Variants in TXLNG observed in about 807,000 individuals in gnomAD.
TXLNG encodes taxilin gamma.
TXLNG carries 5 observed loss-of-function variants against 38.8 expected under a neutral mutation model. The ratio of observed to expected loss-of-function variants is 0.13; its 90% CI spans 0.07 to 0.27. The LOEUF (loss-of-function observed/expected upper bound fraction) is 0.27, where lower values mean the gene tolerates loss of function less well. TXLNG is among the 10% of genes least tolerant of loss of function. TXLNG has a pLI of 1.00. For synonymous variants in TXLNG, 182 were observed against 158.2 expected, an observed-to-expected ratio of 1.15 and a Z score of -1.13; for missense variants, 393 against 398.2, an observed-to-expected ratio of 0.99 and a Z score of 0.11.
At chrX:16,817,091 C>T (rs929910958) in intron 1 of TXLNG, among the ~76,000 whole-genome samples, 1 of 112,247 alleles carries the variant, frequency 8.9e-6, no homozygotes, top group Non-Finnish European at 1.9e-5. Flanking sequence ...CAACATAGGT[C>T]TGTGAAACTC....
At chrX:16,830,830 CGTGTGTGTGTGTGTGTGTGTGT>C (rs1186714021) in intron 5 of TXLNG, among the ~76,000 whole-genome samples, 7 of 37,964 alleles carry the variant, frequency 1.8e-4, no homozygotes, top group Admixed American at 8.4e-4. Flanking sequence ...ACCGTAATTC[CGTGTGTGTGTGTGTGTGTGTGT>C]GTGTGTGTGT....
intron 1 of TXLNG, among the ~76,000 whole-genome samples, chrX:16,813,210 C>G (rs1162851627): frequency 9.0e-6 from 1 of 111,486 alleles, no homozygotes; most frequent in East Asian, 2.8e-4. Flanking sequence ...TATTGTTAGT[C>G]ATTAGGGAAA....
intron 5 of TXLNG, among the ~76,000 whole-genome samples, chrX:16,832,381 G>T (rs1394510966): frequency 1.8e-5 from 2 of 112,434 alleles, no homozygotes; most frequent in Non-Finnish European, 3.8e-5. Context: ...CTGACAGGGT[G>T]GGGGAACAGG....
intron 7 of TXLNG, among the ~76,000 whole-genome samples, chrX:16,835,644 C>T (rs1347799548): frequency 8.9e-6 from 1 of 112,047 alleles, no homozygotes; most frequent in East Asian, 2.8e-4. Flanking sequence ...TTCTATTGTA[C>T]TGTCACCATC....
intron 1 of TXLNG, among the ~76,000 whole-genome samples, chrX:16,801,187 T>C (rs1475985652): frequency 9.0e-6 from 1 of 111,487 alleles, no homozygotes; most frequent in Non-Finnish European, 1.9e-5. Flanking sequence ...CGGGCATTCT[T>C]TTTTTGTTTG....
chrX:16,789,887 CG>C (rs1375321710), intron 1 of TXLNG, among the ~76,000 whole-genome samples: 4 of 109,206 alleles, frequency 3.7e-5, no homozygotes, highest in Non-Finnish European at 7.6e-5. Flanking sequence ...CTCCGCCTCC[CG>C]GGTTCAAGCA....
rs1295583638 is a variant in TXLNG, at chrX:16,843,026, C to T, written c.*1260C>T. 3.6e-5 allele frequency: 4 copies of T among 112,188 alleles called. No homozygotes were observed. Among genetic ancestry groups the T allele is most frequent in the African/African-American group, 9.7e-5 (3 of 30,856 alleles). The allele number at this position is 112,188 out of a possible 1,213,427, so 9.2% of individuals were successfully genotyped here. Reference sequence around the variant, plus strand: ...TTCTTTGTTTCAATGTTGAATGTGGCGCAGTTATGCAGATGATTAATCAGG... The same window carrying T: ...TTCTTTGTTTCAATGTTGAATGTGGTGCAGTTATGCAGATGATTAATCAGG... On this transcript the variant is annotated 3_prime_UTR_variant, in exon 10 of 10. Coordinates refer to ENST00000380122, the MANE Select transcript of TXLNG (RefSeq NM_018360.3).
intron 1 of TXLNG, among the ~76,000 whole-genome samples, chrX:16,804,756 G>C (rs1053843520): frequency 3.7e-5 from 4 of 109,319 alleles, no homozygotes; most frequent in African/African-American, 1.3e-4. Flanking sequence ...AAAATTTGTT[G>C]TAGATTTAAG....
At chrX:16,841,335 G>C in intron 9 of TXLNG, 93 bp from the exon 10 acceptor site, 2 of 761,997 alleles carry the variant, frequency 2.6e-6, no homozygotes, top group East Asian at 3.2e-5. Flanking sequence ...TGTTCCATAG[G>C]TGAGAAGTGT....
At chrX:16,813,350 G>T (rs949383369) in intron 1 of TXLNG, among the ~76,000 whole-genome samples, 1 of 110,648 alleles carries the variant, frequency 9.0e-6, no homozygotes, top group East Asian at 2.8e-4. Context: ...AATTTTAAAT[G>T]GTACCAGTGA....
chrX:16,838,868 G>A (rs902444498), intron 8 of TXLNG, among the ~76,000 whole-genome samples: 4 of 112,014 alleles, frequency 3.6e-5, no homozygotes, highest in Admixed American at 9.5e-5. Flanking sequence ...TGGCTGCAGA[G>A]ATCACCATGG....
chrX:16,813,262 G>C (rs930169832), intron 1 of TXLNG, among the ~76,000 whole-genome samples: 1 of 111,373 alleles, frequency 9.0e-6, no homozygotes, highest in Non-Finnish European at 1.9e-5. Context: ...CACTCAGTAG[G>C]ATGGCTATAA....
chrX:16,821,815 C>G (rs991738652), intron 3 of TXLNG, among the ~76,000 whole-genome samples: 19 of 104,676 alleles, frequency 1.8e-4, no homozygotes, highest in Admixed American at 7.3e-4. Context: ...ACGGTGAAAC[C>G]CTGTCTCTAC....
chrX:16,840,010 C>G (rs2023999694), intron 9 of TXLNG, 94 bp downstream of exon 9: 1 of 651,669 alleles, frequency 1.5e-6, no homozygotes, highest in Admixed American at 3.4e-5. Context: ...TGCTGTAACA[C>G]TACTACCATA....
chrX:16,821,380 C>T (rs1928952587), intron 3 of TXLNG, among the ~76,000 whole-genome samples: 1 of 110,897 alleles, frequency 9.0e-6, no homozygotes, highest in Non-Finnish European at 1.9e-5. Flanking sequence ...AACTTGTGAT[C>T]CGCCCGCCTT....
In TXLNG at chrX:16,821,289, T is replaced by C. The variant is rs761325689; in HGVS notation, c.498+1034T>C. ...CTGAGTAGTTGGGACTACAGGCGCGTGCCACCACGCCTGGCTAATTTTTTG... is the reference window on the plus strand; with the variant it reads ...CTGAGTAGTTGGGACTACAGGCGCGCGCCACCACGCCTGGCTAATTTTTTG... On this transcript the variant is annotated intron_variant, in intron 3 of 9. Transcript: ENST00000380122. Among the ~76,000 whole-genome samples, 7 of 107,346 alleles carry C rather than the reference T, an allele frequency of 6.5e-5. No homozygotes were observed. In the South Asian group the frequency reaches 2.1e-3, roughly 32 times the overall value. 93.2% of individuals were successfully genotyped at this position (107,346 alleles called of 115,157 possible). A position where few individuals can be genotyped will look rare whatever the true frequency, so the allele number is the denominator to read the frequency against.
chrX:16,804,247 G>A (rs1311026748), intron 1 of TXLNG, among the ~76,000 whole-genome samples: 1 of 110,974 alleles, frequency 9.0e-6, no homozygotes, highest in East Asian at 2.8e-4. Context: ...ATACTATGTC[G>A]GCATACGATC....
chrX:16,805,277 C>G (rs1048629150), intron 1 of TXLNG, among the ~76,000 whole-genome samples: 10 of 108,496 alleles, frequency 9.2e-5, no homozygotes, highest in African/African-American at 1.3e-4. Flanking sequence ...GCCACCGCAC[C>G]CGCCCTCCAC....
At chrX:16,787,218 C>T (rs1284677455) in intron 1 of TXLNG, among the ~76,000 whole-genome samples, 1 of 111,591 alleles carries the variant, frequency 9.0e-6, no homozygotes, top group East Asian at 2.9e-4. Flanking sequence ...GCGGGACGCT[C>T]GGCCCCCGGG....
Sources: gnomAD v4.1 joint callset for allele counts (sites outside exome capture counted in the v4.1 genomes callset) on GRCh38, gnomAD v4.1.1 for gene constraint, MANE v1.5 for transcripts, NCBI Gene and HGNC (gene_info 2026-07-23, HGNC 2026-07-21) for gene names.